MAGI2: variants seen among roughly 807,000 people sequenced by gnomAD.
MAGI2 encodes membrane-associated guanylate kinase, WW and PDZ domain-containing protein 2.
Under a neutral mutation model 133.3 loss-of-function variants are expected in MAGI2, and 35 were observed. The observed-to-expected ratio is 0.26, with a 90% CI of 0.20 to 0.35. The LOEUF (loss-of-function observed/expected upper bound fraction) is 0.35, where lower values mean the gene tolerates loss of function less well. MAGI2 is among the 10% of genes least tolerant of loss of function. The pLI, the probability that MAGI2 is intolerant of heterozygous loss-of-function variation, is 1.00. For missense variants in MAGI2, 1,636 were observed against 1,863.4 expected (o/e 0.88, Z 2.25); for synonymous variants, 729 against 710.6 (o/e 1.03, Z -0.41).
At position 78,427,612 on chromosome 7, in the gene MAGI2, T is replaced by G. The variant is rs985504946; in HGVS notation, c.1046-58399A>C. ...AAAATAGACAAATGTATAATCATAG[T>G]GAAAGATTTTAATACCACTCTTTCA... On this transcript the variant is annotated intron_variant, in intron 6 of 21. Transcript: ENST00000354212. Among the ~76,000 whole-genome samples the G allele has an allele frequency of 2.1e-5, 3 of 143,130 alleles. No homozygotes were observed. In the South Asian group the frequency reaches 6.5e-4, roughly 31 times the overall value. The allele number at this position is 143,130 out of a possible 152,430, so 93.9% of individuals were successfully genotyped here.
intron 1 of MAGI2, among the ~76,000 whole-genome samples, chr7:79,159,760 G>C (rs1370630595): frequency 6.6e-6 from 1 of 151,926 alleles, no homozygotes; most frequent in Non-Finnish European, 1.5e-5. Context: ...AAAGGCCTTG[G>C]AGCATAGCTC....
At chr7:78,755,325 G>GT (rs1314086960) in intron 2 of MAGI2, among the ~76,000 whole-genome samples, 2 of 152,092 alleles carry the variant, frequency 1.3e-5, no homozygotes, top group Non-Finnish European at 2.9e-5. Context: ...GGTTTCATTT[G>GT]TTTTTGGAAA....
rs1808037349 is a variant in MAGI2 at position 78,019,267 on chromosome 7, G to T, written c.*48C>A. On this transcript the variant is annotated 3_prime_UTR_variant, in exon 22 of 22. Coordinates refer to ENST00000354212, the MANE Select transcript of MAGI2 (RefSeq NM_012301.4). ...TAAAACGCCGTGAGACGGAACCTAA[G>T]AAGAACTGCCTGCGCCGGGGCGGGC... 6.4e-7 allele frequency: 1 copy of T among 1,572,580 alleles called. No homozygotes were observed.
intron 1 of MAGI2, among the ~76,000 whole-genome samples, chr7:79,238,385 A>G (rs60960798): frequency 0.6 from 91,915 of 151,960 alleles, 29,127 homozygotes; most frequent in Non-Finnish European, 0.7. Flanking sequence ...TTTTGATCTT[A>G]CAATGGCTTC....
At chr7:78,217,162 TG>T (rs1302747931) in intron 10 of MAGI2, among the ~76,000 whole-genome samples, 1 of 152,194 alleles carries the variant, frequency 6.6e-6, no homozygotes, top group Admixed American at 6.5e-5. Flanking sequence ...TCTGAGGTAC[TG>T]GGGGTAAGAA....
At chr7:79,234,183 T>TC (rs1831655817) in intron 1 of MAGI2, among the ~76,000 whole-genome samples, 1 of 137,348 alleles carries the variant, frequency 7.3e-6, no homozygotes, top group Non-Finnish European at 1.6e-5. Context: ...CTGATGGGCT[T>TC]CCCTTTGAGG....
chr7:79,349,067 T>C (rs1186073645), intron 1 of MAGI2, among the ~76,000 whole-genome samples: 1 of 152,002 alleles, frequency 6.6e-6, no homozygotes, highest in Non-Finnish European at 1.5e-5. Flanking sequence ...TTCTATGTAG[T>C]ATATTATTTG....
chr7:78,762,422 AAC>A lies in MAGI2; in HGVS notation c.419-135185_419-135184del, dbSNP rs1254724067. ...TGCACCACTGCACTCCAGCCTGGGC[AAC>A]AGAGTGAGACTCCACCAAAACAAAA... On this transcript the variant is annotated intron_variant, in intron 2 of 21. Transcript: ENST00000354212. Among the ~76,000 whole-genome samples the A allele has an allele frequency of 3.9e-5, 6 of 152,164 alleles. No individual in the cohort carries two copies. The East Asian group carries it at 9.6e-4, about 24-fold the overall frequency.
chr7:78,713,427 T>C (rs1819397572), intron 2 of MAGI2, among the ~76,000 whole-genome samples: 1 of 152,152 alleles, frequency 6.6e-6, no homozygotes, highest in African/African-American at 2.4e-5. Context: ...TGGCGTAAGA[T>C]GGCACTTTGA....
intron 1 of MAGI2, among the ~76,000 whole-genome samples, chr7:79,014,190 C>CT (rs1217804966): frequency 6.6e-6 from 1 of 152,098 alleles, no homozygotes; most frequent in Non-Finnish European, 1.5e-5. Flanking sequence ...TTGAAAATAG[C>CT]TTTTTTATTA....
intron 2 of MAGI2, among the ~76,000 whole-genome samples, chr7:78,781,224 A>G (rs1201999532): frequency 6.6e-6 from 1 of 151,944 alleles, no homozygotes; most frequent in Non-Finnish European, 1.5e-5. Context: ...TAAAAAATAC[A>G]AAAAATTAGC....
chr7:79,166,807 A>G (rs2129548184), intron 1 of MAGI2, among the ~76,000 whole-genome samples: 1 of 152,192 alleles, frequency 6.6e-6, no homozygotes, highest in African/African-American at 2.4e-5. Context: ...AAGGATAGGT[A>G]GAGGTTTTCT....
intron 6 of MAGI2, among the ~76,000 whole-genome samples, chr7:78,431,318 T>G (rs56300554): frequency 0.086 from 13,016 of 152,068 alleles, 647 homozygotes; most frequent in Middle Eastern, 0.14. Flanking sequence ...GTTTGTCCAT[T>G]TTCTTTTGAC....
intron 21 of MAGI2, among the ~76,000 whole-genome samples, chr7:78,023,081 T>G (rs1002898574): frequency 2.0e-5 from 3 of 152,234 alleles, no homozygotes; most frequent in African/African-American, 7.2e-5. Context: ...AAACATATGG[T>G]GTCTGTCCAG....
intron 13 of MAGI2, among the ~76,000 whole-genome samples, chr7:78,183,268 ATT>A (rs35853118): frequency 2.5e-4 from 34 of 137,388 alleles, no homozygotes; most frequent in African/African-American, 6.4e-4. Context: ...GTATTTTTGT[ATT>A]TTTTTTTTTT....
intron 1 of MAGI2, among the ~76,000 whole-genome samples, chr7:79,135,068 G>A (rs1821263319): frequency 6.6e-6 from 1 of 152,176 alleles, no homozygotes; most frequent in Non-Finnish European, 1.5e-5. Context: ...TTTGGAGAAT[G>A]AGTCTGTCTG....
At chr7:79,107,867 C>T (rs899337363) in intron 1 of MAGI2, among the ~76,000 whole-genome samples, 11 of 152,184 alleles carry the variant, frequency 7.2e-5, no homozygotes, top group African/African-American at 2.7e-4. Flanking sequence ...TTATTATATT[C>T]TATTATAAAA....
At chr7:78,735,878 GTA>G (rs1821798399) in intron 2 of MAGI2, among the ~76,000 whole-genome samples, 2 of 152,124 alleles carry the variant, frequency 1.3e-5, no homozygotes, top group Admixed American at 1.3e-4. Context: ...TCTTTCTAGT[GTA>G]TACAACCAAC....
chr7:78,751,134 A>G (rs1241133188), intron 2 of MAGI2, among the ~76,000 whole-genome samples: 1 of 152,202 alleles, frequency 6.6e-6, no homozygotes, highest in East Asian at 1.9e-4. Context: ...TCCCTGATAT[A>G]TAATGGCTAA....
Sources: allele counts gnomAD v4.1 joint callset (sites outside exome capture counted in the v4.1 genomes callset), GRCh38; gene constraint gnomAD v4.1.1; transcripts MANE v1.5; gene names NCBI Gene and HGNC (gene_info 2026-07-23, HGNC 2026-07-21).